Variants in XKR9 observed in about 807,000 individuals in gnomAD.
XKR9 encodes XK-related protein 9.
XKR9 carries 32 observed loss-of-function variants against 32.0 expected under a neutral mutation model. That is an observed-to-expected ratio of 1.00 (90% CI 0.76 to 1.34). The LOEUF is 1.34. XKR9 is among the 40% of genes most tolerant of loss of function. The pLI is 0.00. For synonymous variants in XKR9, 168 were observed against 143.4 expected (o/e 1.17, Z -1.22); for missense variants, 546 against 429.7 (o/e 1.27, Z -2.39).
the XKR9 span, among the ~76,000 whole-genome samples, chr8:70,978,922 C>A: frequency 4.6e-5 from 7 of 152,044 alleles, no homozygotes; most frequent in East Asian, 1.9e-4. Flanking sequence ...TTCTTGGAGG[C>A]TTTCTTCGTT....
intron 4 of XKR9, among the ~76,000 whole-genome samples, chr8:70,733,367 G>A (rs765383707): frequency 6.6e-6 from 1 of 151,634 alleles, no homozygotes; most frequent in Non-Finnish European, 1.5e-5. Flanking sequence ...TTATCTCTTA[G>A]TGAATTGGGT....
intron 4 of XKR9, among the ~76,000 whole-genome samples, chr8:70,723,952 G>A (rs4272413): frequency 0.4 from 60,051 of 149,996 alleles, 13,563 homozygotes; most frequent in Non-Finnish European, 0.52. Context: ...GTGGCGGTGG[G>A]AACGTTTTTA....
chr8:70,903,367 A>G, the XKR9 span, among the ~76,000 whole-genome samples: 1 of 152,086 alleles, frequency 6.6e-6, no homozygotes, highest in African/African-American at 2.4e-5. Context: ...TAGTCTTGGG[A>G]GGGTGCATGT....
intron 2 of XKR9, among the ~76,000 whole-genome samples, chr8:70,761,939 A>G (rs1807314874): frequency 6.6e-6 from 1 of 151,930 alleles, no homozygotes; most frequent in African/African-American, 2.4e-5. Flanking sequence ...TCCCAGCACC[A>G]TTTATTAAAT....
At chr8:70,811,327 A>G in the XKR9 span, among the ~76,000 whole-genome samples, 1 of 152,218 alleles carries the variant, frequency 6.6e-6, no homozygotes, top group Non-Finnish European at 1.5e-5. Flanking sequence ...AAATGCCCAC[A>G]AGAGAAAGCA....
At chr8:70,888,473 T>C in the XKR9 span, among the ~76,000 whole-genome samples, 1 of 152,090 alleles carries the variant, frequency 6.6e-6, no homozygotes, top group Non-Finnish European at 1.5e-5. Flanking sequence ...ATCCCATTAC[T>C]CTATTTTTGC....
intron 3 of XKR9, among the ~76,000 whole-genome samples, chr8:70,687,003 A>C (rs1224521108): frequency 2.6e-5 from 4 of 152,190 alleles, no homozygotes; most frequent in Admixed American, 2.6e-4. Flanking sequence ...ATACACAGTA[A>C]ATTATCGTTG....
At chr8:70,839,934 G>A in the XKR9 span, among the ~76,000 whole-genome samples, 7 of 152,090 alleles carry the variant, frequency 4.6e-5, no homozygotes, top group African/African-American at 1.4e-4. Context: ...GCTTTGGCTG[G>A]GTAGGAGCCC....
chr8:70,717,945 A>G (rs1166910442), intron 4 of XKR9, among the ~76,000 whole-genome samples: 1 of 152,160 alleles, frequency 6.6e-6, no homozygotes, highest in Non-Finnish European at 1.5e-5. Flanking sequence ...TCTCTAGGAC[A>G]GGGGCAAAAT....
At chr8:70,698,163 T>G (rs1433668984) in intron 3 of XKR9, among the ~76,000 whole-genome samples, 26 of 150,326 alleles carry the variant, frequency 1.7e-4, no homozygotes, top group Middle Eastern at 3.4e-3. Flanking sequence ...TTTTTGAAGG[T>G]TTTTTTGTGT....
the XKR9 span, among the ~76,000 whole-genome samples, chr8:71,033,666 G>A: frequency 2.6e-5 from 4 of 152,134 alleles, no homozygotes; most frequent in Non-Finnish European, 5.9e-5. Flanking sequence ...TCCCAAGAGA[G>A]CAGGTCATTA....
the XKR9 span, among the ~76,000 whole-genome samples, chr8:70,914,919 T>C: frequency 6.6e-6 from 1 of 152,212 alleles, no homozygotes; most frequent in Non-Finnish European, 1.5e-5. Flanking sequence ...AAGAGTTTAA[T>C]TGACATGAGC....
chr8:71,026,050 C>T, the XKR9 span, among the ~76,000 whole-genome samples: 2 of 152,172 alleles, frequency 1.3e-5, no homozygotes, highest in Non-Finnish European at 2.9e-5. Context: ...TTTCTATTCA[C>T]ACACCCAAAA....
intron 3 of XKR9, among the ~76,000 whole-genome samples, chr8:70,701,333 C>T (rs1204611382): frequency 6.6e-6 from 1 of 152,144 alleles, no homozygotes; most frequent in Non-Finnish European, 1.5e-5. Context: ...ATCTTGGCTG[C>T]CACCTCTCTG....
At chr8:70,905,139 CT>C in the XKR9 span, among the ~76,000 whole-genome samples, 1 of 152,108 alleles carries the variant, frequency 6.6e-6, no homozygotes, top group Non-Finnish European at 1.5e-5. Context: ...GTGGCGTTCT[CT>C]GTATTTCCTG....
chr8:70,811,492 G>T, the XKR9 span, among the ~76,000 whole-genome samples: 1 of 152,150 alleles, frequency 6.6e-6, no homozygotes, highest in Non-Finnish European at 1.5e-5. Context: ...AAAAATTAAT[G>T]AATCCAGGAG....
At chr8:70,684,760 G>C (rs1013586573) in intron 3 of XKR9, among the ~76,000 whole-genome samples, 1 of 146,188 alleles carries the variant, frequency 6.8e-6, no homozygotes, top group African/African-American at 2.5e-5. Context: ...ACCATCACTG[G>C]CCATCAGAGA....
At chr8:70,976,347 G>A in the XKR9 span, among the ~76,000 whole-genome samples, 2 of 152,140 alleles carry the variant, frequency 1.3e-5, no homozygotes, top group Admixed American at 1.3e-4. Flanking sequence ...CATTCAGTAT[G>A]ATAGTGGCTG....
intron 3 of XKR9, among the ~76,000 whole-genome samples, chr8:70,789,740 T>C (rs1395058280): frequency 1.5e-5 from 2 of 133,666 alleles, no homozygotes; most frequent in Non-Finnish European, 3.4e-5. Flanking sequence ...TAAAACAGAA[T>C]AAATAATTTA....
Sources: gnomAD v4.1 joint callset for allele counts (sites outside exome capture counted in the v4.1 genomes callset) on GRCh38, gnomAD v4.1.1 for gene constraint, MANE v1.5 for transcripts, NCBI Gene and HGNC (gene_info 2026-07-23, HGNC 2026-07-21) for gene names.